The following KCNQ3 variants were observed in gnomAD, a reference collection of about 807,000 sequenced individuals.
KCNQ3 encodes potassium voltage-gated channel subfamily KQT member 3.
Under a neutral mutation model 92.5 loss-of-function variants are expected in KCNQ3, and 30 were observed. The ratio of observed to expected loss-of-function variants is 0.32; its 90% CI spans 0.24 to 0.44. The LOEUF (loss-of-function observed/expected upper bound fraction) is 0.44. Ranked by LOEUF, KCNQ3 falls within the 20% of genes least tolerant of loss-of-function variation. KCNQ3 has a pLI of 1.00. For synonymous variants in KCNQ3, 450 were observed against 468.8 expected (o/e 0.96, Z 0.52); for missense variants, 913 against 1,140.3 (o/e 0.80, Z 2.87).
At chr8:132,292,125 T>A (rs1270178071) in intron 1 of KCNQ3, among the ~76,000 whole-genome samples, 1 of 152,218 alleles carries the variant, frequency 6.6e-6, no homozygotes, top group East Asian at 1.9e-4. Context: ...CTACTTGAAG[T>A]GATACATGCT....
intron 1 of KCNQ3, among the ~76,000 whole-genome samples, chr8:132,320,569 C>T (rs572586148): frequency 1.3e-5 from 2 of 152,248 alleles, no homozygotes; most frequent in South Asian, 4.1e-4. Flanking sequence ...TCAGGTAATT[C>T]TTCCTGTCCC....
chr8:132,189,888 CAAA>C (rs776683880), intron 1 of KCNQ3, among the ~76,000 whole-genome samples: 83 of 64,074 alleles, frequency 1.3e-3, no homozygotes, highest in Non-Finnish European at 1.6e-3. Flanking sequence ...TAAAAATGAC[CAAA>C]AAAAAAAAAA....
intron 1 of KCNQ3, among the ~76,000 whole-genome samples, chr8:132,196,219 A>C (rs1254951717): frequency 6.6e-6 from 1 of 151,992 alleles, no homozygotes; most frequent in Non-Finnish European, 1.5e-5. Flanking sequence ...CTCAAATGTC[A>C]CCTCCTCTAT....
chr8:132,303,677 T>TATACAAACAC (rs376933089), intron 1 of KCNQ3, among the ~76,000 whole-genome samples: 1 of 85,990 alleles, frequency 1.2e-5, no homozygotes, highest in Non-Finnish European at 2.2e-5. Flanking sequence ...TATATATATA[T>TATACAAACAC]ACACACACAC....
intron 14 of KCNQ3, 139 bp from the exon 15 acceptor site, chr8:132,130,135 T>A: frequency 9.9e-7 from 1 of 1,006,954 alleles, no homozygotes; most frequent in Non-Finnish European, 1.4e-6. Flanking sequence ...CAGGCTGGAG[T>A]GCAGTGGCGC....
intron 9 of KCNQ3, among the ~76,000 whole-genome samples, chr8:132,154,202 T>C (rs1157993809): frequency 7.5e-6 from 1 of 133,212 alleles, no homozygotes; most frequent in African/African-American, 3.2e-5. Flanking sequence ...AGTTTTTTTT[T>C]TTTTTTTTTT....
intron 1 of KCNQ3, among the ~76,000 whole-genome samples, chr8:132,444,822 G>A (rs879544618): frequency 6.6e-6 from 1 of 152,188 alleles, no homozygotes; most frequent in South Asian, 2.1e-4. Flanking sequence ...GCATCTCCAA[G>A]CCTGTTCCTT....
chr8:132,352,303 C>T (rs948240900), intron 1 of KCNQ3, among the ~76,000 whole-genome samples: 1 of 152,092 alleles, frequency 6.6e-6, no homozygotes, highest in East Asian at 1.9e-4. Flanking sequence ...GAGCATTCAG[C>T]GATGCCTGGA....
chr8:132,245,804 A>G (rs1464853966), intron 1 of KCNQ3, among the ~76,000 whole-genome samples: 1 of 152,158 alleles, frequency 6.6e-6, no homozygotes. Context: ...ATGCTGCTAC[A>G]TCCTTGTACA....
intron 1 of KCNQ3, among the ~76,000 whole-genome samples, chr8:132,224,834 A>G (rs1814357577): frequency 6.6e-6 from 1 of 152,184 alleles, no homozygotes; most frequent in South Asian, 2.1e-4. Context: ...CATCAGCTAC[A>G]TAATGGTTAT....
At chr8:132,366,197 A>G (rs532410285) in intron 1 of KCNQ3, among the ~76,000 whole-genome samples, 23 of 152,224 alleles carry the variant, frequency 1.5e-4, no homozygotes, top group African/African-American at 4.6e-4. Context: ...TAGCTCTTGC[A>G]CATTTTTAGT....
intron 1 of KCNQ3, among the ~76,000 whole-genome samples, chr8:132,320,390 T>C (rs141459323): frequency 1.8e-4 from 27 of 152,284 alleles, no homozygotes; most frequent in African/African-American, 6.0e-4. Context: ...TCTGGCCTTC[T>C]ATGGAGATGG....
chr8:132,301,528 T>A (rs982223137), intron 1 of KCNQ3, among the ~76,000 whole-genome samples: 1 of 152,102 alleles, frequency 6.6e-6, no homozygotes, highest in Non-Finnish European at 1.5e-5. Flanking sequence ...ATTAAACAAC[T>A]AATTAAAGAA....
At position 132,195,008 on chromosome 8, in the gene KCNQ3, C is replaced by G. The variant is rs11984759; in HGVS notation, c.387-8827G>C. Reference sequence around the variant, plus strand: ...GCTATTCTTTTACCTGATTACAACCCGTCCACTTCTGCCAAACCCCACCAA... The same window carrying G: ...GCTATTCTTTTACCTGATTACAACCGGTCCACTTCTGCCAAACCCCACCAA... On this transcript the variant is annotated intron_variant, in intron 1 of 14. Coordinates refer to ENST00000388996, the MANE Select transcript of KCNQ3 (RefSeq NM_004519.4). 6.3e-3 allele frequency among the ~76,000 whole-genome samples: 960 copies of G among 152,216 alleles called. 11 individuals are homozygous for G. The highest frequency in any genetic ancestry group is 0.022 in the African/African-American group (919 of 41,528).
At chr8:132,177,421 G>A (rs772569129) in intron 4 of KCNQ3, among the ~76,000 whole-genome samples, 1 of 152,136 alleles carries the variant, frequency 6.6e-6, no homozygotes, top group African/African-American at 2.4e-5. Flanking sequence ...AAGGGACTGG[G>A]GTCCAGCCAA....
intron 1 of KCNQ3, among the ~76,000 whole-genome samples, chr8:132,382,771 G>A (rs1001602951): frequency 1.3e-5 from 2 of 152,058 alleles, no homozygotes; most frequent in South Asian, 2.1e-4. Flanking sequence ...AGGGTGTCAC[G>A]GGCATACCAT....
At chr8:132,197,364 T>C (rs1417748808) in intron 1 of KCNQ3, among the ~76,000 whole-genome samples, 1 of 152,224 alleles carries the variant, frequency 6.6e-6, no homozygotes, top group East Asian at 1.9e-4. Flanking sequence ...AGCTAAAATA[T>C]ACAACAGCCC....
chr8:132,435,480 G>A (rs1821368689), intron 1 of KCNQ3, among the ~76,000 whole-genome samples: 1 of 152,130 alleles, frequency 6.6e-6, no homozygotes, highest in Non-Finnish European at 1.5e-5. Context: ...ACCTCCATCT[G>A]TGCGACCTTA....
intron 1 of KCNQ3, among the ~76,000 whole-genome samples, chr8:132,452,219 A>C (rs1293569609): frequency 6.6e-6 from 1 of 152,142 alleles, no homozygotes. Context: ...AAAATGAAAC[A>C]CTGTTTCCAT....
Sources: gnomAD v4.1 joint callset for allele counts (sites outside exome capture counted in the v4.1 genomes callset) on GRCh38, gnomAD v4.1.1 for gene constraint, MANE v1.5 for transcripts, NCBI Gene and HGNC (gene_info 2026-07-23, HGNC 2026-07-21) for gene names.